The following ITPR3 variants were observed in gnomAD, a reference collection of about 807,000 sequenced individuals.
The protein encoded by ITPR3 is inositol 1,4,5-trisphosphate receptor type 3.
Under a neutral mutation model 293.2 loss-of-function variants are expected in ITPR3, and 173 were observed. The ratio of observed to expected loss-of-function variants is 0.59; its 90% CI spans 0.52 to 0.67. The LOEUF (loss-of-function observed/expected upper bound fraction) is 0.67, where lower values mean the gene tolerates loss of function less well. Among genes scored for constraint, ITPR3 ranks in the 30% least tolerant of loss-of-function variants. ITPR3 has a pLI of 0.00. For missense variants in ITPR3, 2,796 were observed against 3,592.1 expected (o/e 0.78, Z 5.66); for synonymous variants, 1,295 against 1,444.4 (o/e 0.90, Z 2.35).
chr6:33,668,164 A>T (rs1053083740), intron 16 of ITPR3, among the ~76,000 whole-genome samples, 200 bp downstream of exon 16: 4 of 152,246 alleles, frequency 2.6e-5, no homozygotes, highest in African/African-American at 9.6e-5. Context: ...CACTCTGGCA[A>T]CAATGGGAAT....
intron 7 of ITPR3, among the ~76,000 whole-genome samples, chr6:33,660,626 A>G (rs1056215386): frequency 7.2e-5 from 11 of 151,790 alleles, no homozygotes; most frequent in African/African-American, 2.7e-4. Context: ...TCTGTGCAGC[A>G]CTTAGGAAAT....
chr6:33,683,461 C>T lies in ITPR3; in HGVS notation c.4788+64C>T. On this transcript the variant is annotated intron_variant, in intron 35 of 57. Transcript: ENST00000605930. The surrounding 1 kb of genome is among the most constrained non-coding windows in gnomAD (Gnocchi z 4.5). The stretch of plus-strand genomic sequence containing the variant: ...CTTGGTTGAGTCAGCAGCTCCCCTA[C>T]TTTGGAGGGGCAAGTTCTCGGGGAG... The T allele has an allele frequency of 3.0e-6, 4 of 1,321,640 alleles. No individual in the cohort carries two copies. Among genetic ancestry groups the T allele is most frequent in the Non-Finnish European group, 4.0e-6 (4 of 990,868 alleles). 81.9% of individuals were successfully genotyped at this position (1,321,640 alleles called of 1,614,324 possible).
intron 7 of ITPR3, among the ~76,000 whole-genome samples, chr6:33,659,782 G>T (rs887960549): frequency 2.0e-5 from 3 of 152,128 alleles, no homozygotes; most frequent in Non-Finnish European, 4.4e-5. Context: ...GTCCTGCCTG[G>T]TCTTTGTTTT....
chr6:33,693,238 T>C lies in ITPR3; in HGVS notation c.7625-307T>C, dbSNP rs538583358. Reference sequence around the variant, plus strand: ...ACCTCGGGCTCAGGCAGGTGTCACCTGTATGGCCTGTAGGACCTCGCTCAT... The same window carrying C: ...ACCTCGGGCTCAGGCAGGTGTCACCCGTATGGCCTGTAGGACCTCGCTCAT... On this transcript the variant is annotated intron_variant, in intron 55 of 57. Coordinates refer to ENST00000605930, the MANE Select transcript of ITPR3 (RefSeq NM_002224.4). 2.0e-5 allele frequency among the ~76,000 whole-genome samples: 3 copies of C among 152,332 alleles called. No individual in the cohort carries two copies. In the East Asian group the frequency reaches 5.8e-4, roughly 29 times the overall value.
chr6:33,672,379 C>A lies in ITPR3; in HGVS notation c.2928+151C>A. On this transcript the variant is annotated intron_variant, in intron 22 of 57. Coordinates refer to ENST00000605930, the MANE Select transcript of ITPR3 (RefSeq NM_002224.4). The surrounding 1 kb of genome is among the most constrained non-coding windows in gnomAD (Gnocchi z 5.0). Reference sequence around the variant, plus strand: ...GACTGGCTGTCAGGCCCAGCGGTTCCCACAGTGTGGTTCTTGGGCCAGCCT... The same window carrying A: ...GACTGGCTGTCAGGCCCAGCGGTTCACACAGTGTGGTTCTTGGGCCAGCCT... The A allele has an allele frequency of 1.4e-6, 1 of 691,530 alleles. No individual in the cohort carries two copies. Among genetic ancestry groups the A allele is most frequent in the Non-Finnish European group, 2.4e-6 (1 of 422,168 alleles). The allele number at this position is 691,530 out of a possible 1,614,324, so 42.8% of individuals were successfully genotyped here.
Position 33,686,142 on chromosome 6 carries a change from G to C in ITPR3, c.5757G>C (p.Thr1919=). ...TGGACATCATGTGCGGCAGCACCAC[G>C]GGCGGCCTGGGGCTGCTGGGGCTCT... ...QFLDIMCGST[T]GGLGLLGLYI... Residue 1919 remains threonine (T), a synonymous_variant, in exon 42 of 58, where the codon ACG becomes ACC. Coordinates refer to ENST00000605930, the MANE Select transcript of ITPR3 (RefSeq NM_002224.4). 1.2e-6 allele frequency: 2 copies of C among 1,614,184 alleles called. No homozygotes were observed. Among genetic ancestry groups the C allele is most frequent in the Non-Finnish European group, 1.7e-6 (2 of 1,180,036 alleles).
chr6:33,658,771 C>A lies in ITPR3; in HGVS notation c.471C>A (p.Asn157Lys), dbSNP rs754283296. Residue 157 changes from asparagine to lysine, a missense_variant, in exon 5 of 58, where the codon AAC (asparagine) becomes AAA (lysine). Physicochemically the swap from Asn to Lys is moderately conservative, Grantham distance 94. This residue lies in a region of ITPR3 where 144 missense variants were observed against 230.8 expected (regional missense o/e 0.62). Transcript: ENST00000605930. This position sits in a 1 kb window ranked among gnomAD's most constrained non-coding sequence, Gnocchi z 6.1. ...AMRVTLDATG[N>K]EGSWLFIQPF... ...GGGTGACTCTGGATGCCACAGGCAACGAGGGTTCCTGGCTCTTCATCCAGC... is the reference window on the plus strand; with the variant it reads ...GGGTGACTCTGGATGCCACAGGCAAAGAGGGTTCCTGGCTCTTCATCCAGC... The A allele has an allele frequency of 6.2e-7, 1 of 1,614,176 alleles. No homozygotes were observed. Among genetic ancestry groups the A allele is most frequent in the East Asian group, 2.2e-5 (1 of 44,886 alleles).
At position 33,687,646 on chromosome 6, in the gene ITPR3, C is replaced by G; in HGVS notation, c.6264+82C>G. On this transcript the variant is annotated intron_variant, in intron 46 of 57. Coordinates refer to ENST00000605930, the MANE Select transcript of ITPR3 (RefSeq NM_002224.4). The surrounding 1 kb of genome is among the most constrained non-coding windows in gnomAD (Gnocchi z 5.3). ...CTTGACCCAAGGGCGTGGCCTGGAA[C>G]AGAGTGAGGCCCTAGAATATGAGCC... 9.2e-7 allele frequency: 1 copy of G among 1,091,182 alleles called. No homozygotes were observed. Among genetic ancestry groups the G allele is most frequent in the South Asian group, 1.3e-5 (1 of 74,612 alleles). The allele number at this position is 1,091,182 out of a possible 1,614,324, so 67.6% of individuals were successfully genotyped here. A position where few individuals can be genotyped will look rare whatever the true frequency, so the allele number is the denominator to read the frequency against.
rs1289284639 is a variant in ITPR3 at position 33,689,430 on chromosome 6, C to G, written c.6867+20C>G. The G allele has an allele frequency of 6.2e-7, 1 of 1,603,708 alleles. No homozygotes were observed. On this transcript the variant is annotated intron_variant, in intron 50 of 57. Transcript: ENST00000605930. Reference sequence around the variant, plus strand: ...CTCAATGTGAGTGCCAGAGGGAGCCCCCATTCCCAAACAAGCTCATGCTCA... The same window carrying G: ...CTCAATGTGAGTGCCAGAGGGAGCCGCCATTCCCAAACAAGCTCATGCTCA...
chr6:33,665,163 C>G lies in ITPR3; in HGVS notation c.1359C>G (p.Ala453=). ...CCAATGACGCCAGCTCCATGCTGGC[C>G]AGTGCCGTGGAGAAACTCAACGAGG... is the stretch of plus-strand genomic sequence containing the variant. ...DFANDASSML[A]SAVEKLNEGF... The change falls in exon 13 of 58, where the codon GCC becomes GCG. Residue 453 remains alanine, a synonymous_variant. Coordinates refer to ENST00000605930, the MANE Select transcript of ITPR3 (RefSeq NM_002224.4). 1.2e-6 allele frequency: 2 copies of G among 1,614,188 alleles called. No individual in the cohort carries two copies. Among genetic ancestry groups the G allele is most frequent in the Non-Finnish European group, 1.7e-6 (2 of 1,180,042 alleles).
In ITPR3 at chr6:33,687,342, C is replaced by T. The variant is rs1407673341; in HGVS notation, c.6177+15C>T. ...TGGCGCTGCAGGTACCAGTTCCACCCGTGGCAACGGCCATCACCCCCCTGG... is the reference window on the plus strand; with the variant it reads ...TGGCGCTGCAGGTACCAGTTCCACCTGTGGCAACGGCCATCACCCCCCTGG... On this transcript the variant is annotated intron_variant, in intron 45 of 57. Coordinates refer to ENST00000605930, the MANE Select transcript of ITPR3 (RefSeq NM_002224.4). The surrounding 1 kb of genome is among the most constrained non-coding windows in gnomAD (Gnocchi z 5.3). The T allele has an allele frequency of 1.3e-5, 20 of 1,583,922 alleles. No individual in the cohort carries two copies. The highest frequency in any genetic ancestry group is 1.6e-5 in the Non-Finnish European group (18 of 1,156,006).
In ITPR3 at chr6:33,678,751, G is replaced by A. The variant is rs373132802; in HGVS notation, c.3884G>A (p.Arg1295His). 6 of 1,613,434 alleles carry A rather than the reference G, an allele frequency of 3.7e-6. No homozygotes were observed. Among genetic ancestry groups the A allele is most frequent in the Middle Eastern group, 1.7e-4 (1 of 6,060 alleles). The change falls in exon 30 of 58, where the codon CGC (arginine) becomes CAC (histidine). Residue 1295 changes from arginine to histidine, a missense_variant. This residue lies in a region of ITPR3 where 344 missense variants were observed against 460.3 expected (regional missense o/e 0.75). Transcript: ENST00000605930. ...HFVHLLATHG[R>H]HVQYLDFLHT... Reference sequence around the variant, plus strand: ...GTGCACCTGCTGGCCACGCACGGGCGCCATGTGCAGTACCTGGACTTCCTG... The same window carrying A: ...GTGCACCTGCTGGCCACGCACGGGCACCATGTGCAGTACCTGGACTTCCTG...
chr6:33,684,920 G>A lies in ITPR3; in HGVS notation c.5284G>A (p.Asp1762Asn). ...ESIGLAIHLL[D>N]GGNTEIQKSF... ...CATCGGCCTGGCCATCCACCTGCTGGATGGTGGCAACACAGAGATCCAGGT... is the reference window on the plus strand; with the variant it reads ...CATCGGCCTGGCCATCCACCTGCTGAATGGTGGCAACACAGAGATCCAGGT... Residue 1762 changes from aspartate (D) to asparagine (N), a missense_variant, in exon 39 of 58, where the codon GAT (aspartate) becomes AAT (asparagine). Physicochemically the swap from Asp to Asn is conservative, Grantham distance 23 (BLOSUM62 1). Coordinates refer to ENST00000605930, the MANE Select transcript of ITPR3 (RefSeq NM_002224.4). The surrounding 1 kb of genome is among the most constrained non-coding windows in gnomAD (Gnocchi z 4.2). 1 of 1,612,850 alleles carries A rather than the reference G, an allele frequency of 6.2e-7. No individual in the cohort carries two copies. The highest frequency in any genetic ancestry group is 8.5e-7 in the Non-Finnish European group (1 of 1,179,272).
chr6:33,688,862 G>A lies in ITPR3; in HGVS notation c.6694+81G>A, dbSNP rs1167143309. The A allele has an allele frequency of 2.5e-6, 4 of 1,588,906 alleles. No individual in the cohort carries two copies. In the African/African-American group the frequency reaches 4.0e-5, roughly 16 times the overall value. On this transcript the variant is annotated intron_variant, in intron 49 of 57. Coordinates refer to ENST00000605930, the MANE Select transcript of ITPR3 (RefSeq NM_002224.4). ...GGGTTGGGGCAGAGCCTTGAGGCCA[G>A]CTGGCCTCTGAGGGCACCAGATGCA...
intron 1 of ITPR3, among the ~76,000 whole-genome samples, chr6:33,627,577 A>G (rs2151276119): frequency 6.6e-6 from 1 of 152,366 alleles, no homozygotes. Flanking sequence ...ATCCTAGTGC[A>G]TGCATGCCTG....
At position 33,686,250 on chromosome 6, in the gene ITPR3, C is replaced by T; in HGVS notation, c.5865C>T (p.Asn1955=). 1 of 1,613,520 alleles carries T rather than the reference C, an allele frequency of 6.2e-7. No homozygotes were observed. Among genetic ancestry groups the T allele is most frequent in the South Asian group, 1.1e-5 (1 of 90,994 alleles). ...TEYCQGPCHE[N]QTCIVTHESN... is the part of the protein sequence containing the mutation. Reference sequence around the variant, plus strand: ...ACTGCCAGGGCCCCTGCCATGAGAACCAGGTGAGCTGTCCTGGTGGCATAA... The same window carrying T: ...ACTGCCAGGGCCCCTGCCATGAGAATCAGGTGAGCTGTCCTGGTGGCATAA... Residue 1955 remains asparagine, a synonymous_variant, in exon 42 of 58, where the codon AAC becomes AAT. Coordinates refer to ENST00000605930, the MANE Select transcript of ITPR3 (RefSeq NM_002224.4).
At chr6:33,671,713 G>C (rs190810393) in intron 21 of ITPR3, among the ~76,000 whole-genome samples, 4 of 152,256 alleles carry the variant, frequency 2.6e-5, no homozygotes, top group East Asian at 1.9e-4. Context: ...ACTGGTTTTC[G>C]GGGCTGTCCT....
Position 33,654,591 on chromosome 6 carries a change from G to C in ITPR3, c.161-1175G>C, listed in dbSNP as rs373137566. On this transcript the variant is annotated intron_variant, in intron 2 of 57. Coordinates refer to ENST00000605930, the MANE Select transcript of ITPR3 (RefSeq NM_002224.4). This position sits in a 1 kb window ranked among gnomAD's most constrained non-coding sequence, Gnocchi z 4.1. ...CAGCTTTGACCAGAGAAAAGACACA[G>C]CTTTCTTAGAGGGAACAGGAAAGGA... 2.6e-5 allele frequency among the ~76,000 whole-genome samples: 4 copies of C among 152,286 alleles called. 1 individual carries two copies. Among genetic ancestry groups the C allele is most frequent in the Admixed American group, 6.5e-5 (1 of 15,292 alleles).
Position 33,683,466 on chromosome 6 carries a change from G to T in ITPR3, c.4788+69G>T. 2 of 1,273,962 alleles carry T rather than the reference G, an allele frequency of 1.6e-6. No individual in the cohort carries two copies. The highest frequency in any genetic ancestry group is 2.1e-6 in the Non-Finnish European group (2 of 947,712). 78.9% of individuals were successfully genotyped at this position (1,273,962 alleles called of 1,614,324 possible). A position where few individuals can be genotyped will look rare whatever the true frequency, so the allele number is the denominator to read the frequency against. On this transcript the variant is annotated intron_variant, in intron 35 of 57. Transcript: ENST00000605930. This position sits in a 1 kb window ranked among gnomAD's most constrained non-coding sequence, Gnocchi z 4.5. ...TTGAGTCAGCAGCTCCCCTACTTTG[G>T]AGGGGCAAGTTCTCGGGGAGTGTTT...
Sources: gnomAD v4.1 joint callset for allele counts (sites outside exome capture counted in the v4.1 genomes callset) on GRCh38, gnomAD v4.1.1 for gene constraint, gnomAD v4.1.1 regional missense constraint, Gnocchi (gnomAD v3.1) non-coding constraint, MANE v1.5 for transcripts, NCBI Gene and HGNC (gene_info 2026-07-23, HGNC 2026-07-21) for gene names.